DENND2A: variants seen among roughly 807,000 people sequenced by gnomAD.
DENND2A encodes DENN domain-containing protein 2A.
In DENND2A, 53 loss-of-function variants were observed where a neutral mutation model predicts 105.3. The observed-to-expected ratio is 0.50, with a 90% confidence interval of 0.40 to 0.63. DENND2A has a LOEUF of 0.63. DENND2A is among the 30% of genes least tolerant of loss of function. DENND2A has a pLI of 0.00. For missense variants in DENND2A, 1,138 were observed against 1,279.6 expected (o/e 0.89, Z 1.69); for synonymous variants, 522 against 508.4 (o/e 1.03, Z -0.36).
chr7:140,599,689 CAT>C (rs1030683604), intron 3 of DENND2A, among the ~76,000 whole-genome samples: 2 of 151,350 alleles, frequency 1.3e-5, no homozygotes, highest in African/African-American at 4.9e-5. Context: ...TATATATTTA[CAT>C]ATATATATAC....
At chr7:140,540,518 CA>C (rs1443031753) in intron 14 of DENND2A, among the ~76,000 whole-genome samples, 1 of 152,236 alleles carries the variant, frequency 6.6e-6, no homozygotes, top group Non-Finnish European at 1.5e-5. Context: ...GGCTGGGGAA[CA>C]GCCAAGGCCC....
At chr7:140,542,193 A>C (rs1345371335) in intron 14 of DENND2A, among the ~76,000 whole-genome samples, 1 of 152,090 alleles carries the variant, frequency 6.6e-6, no homozygotes, top group Admixed American at 6.6e-5. Flanking sequence ...CCCCAGTTCC[A>C]AAGCAAAGAA....
rs927523614 is a variant in DENND2A, at chr7:140,527,014, G to C, written c.2505+304C>G. ...GGGGAGTGGGCGAGAGGGCAGGGGA[G>C]AGGAGAGGGCTATTAATGACTTAAG... On this transcript the variant is annotated intron_variant, in intron 15 of 19. Coordinates refer to ENST00000496613, the MANE Select transcript of DENND2A (RefSeq NM_015689.5). This position sits in a 1 kb window ranked among gnomAD's most constrained non-coding sequence, Gnocchi z 4.9. Among the ~76,000 whole-genome samples the C allele has an allele frequency of 2.0e-5, 3 of 152,210 alleles. No homozygotes were observed. Among genetic ancestry groups the C allele is most frequent in the African/African-American group, 7.2e-5 (3 of 41,462 alleles).
chr7:140,631,855 G>A (rs950216379), intron 1 of DENND2A, among the ~76,000 whole-genome samples: 2 of 152,136 alleles, frequency 1.3e-5, no homozygotes, highest in African/African-American at 4.8e-5. Context: ...CCCAGAGCAC[G>A]AGGCAAGCTG....
intron 13 of DENND2A, among the ~76,000 whole-genome samples, chr7:140,545,608 C>T (rs1171303275): frequency 6.6e-6 from 1 of 152,316 alleles, no homozygotes; most frequent in African/African-American, 2.4e-5. Flanking sequence ...GCCTCGGCCT[C>T]CCAAAGGGAG....
intron 6 of DENND2A, 56 bp from the exon 7 acceptor site, chr7:140,569,794 C>T: frequency 8.0e-7 from 1 of 1,251,426 alleles, no homozygotes; most frequent in South Asian, 1.2e-5. Context: ...TCTGTGGCAG[C>T]TGGGCTTCCC....
At chr7:140,629,305 C>T (rs1008707276) in intron 1 of DENND2A, among the ~76,000 whole-genome samples, 5 of 152,120 alleles carry the variant, frequency 3.3e-5, no homozygotes, top group African/African-American at 7.2e-5. Flanking sequence ...AGGAGGACAA[C>T]GAAAGGGGAG....
chr7:140,582,113 C>T lies in DENND2A; in HGVS notation c.1245+3476G>A, dbSNP rs570737798. Among the ~76,000 whole-genome samples, 927 of 152,154 alleles carry T rather than the reference C, an allele frequency of 6.1e-3. 6 individuals carry two copies. Among genetic ancestry groups the T allele is most frequent in the African/African-American group, 0.021 (854 of 41,512 alleles). ...CCGAGTAGCTGGGATTACAGGCACC[C>T]GCCACCACACCTGGCTAATTTTTGT... On this transcript the variant is annotated intron_variant, in intron 5 of 19. Coordinates refer to ENST00000496613, the MANE Select transcript of DENND2A (RefSeq NM_015689.5).
chr7:140,555,048 G>A (rs1797300574), intron 12 of DENND2A, among the ~76,000 whole-genome samples: 1 of 151,930 alleles, frequency 6.6e-6, no homozygotes, highest in Non-Finnish European at 1.5e-5. Flanking sequence ...TATTCTGGGA[G>A]GGTCTTCCAC....
In DENND2A at chr7:140,527,546, G is replaced by C. The variant is rs1326008220; in HGVS notation, c.2328-51C>G. 29 of 1,530,592 alleles carry C rather than the reference G, an allele frequency of 1.9e-5. No individual in the cohort carries two copies. The highest frequency in any genetic ancestry group is 2.5e-5 in the Non-Finnish European group (28 of 1,135,400). 94.8% of individuals were successfully genotyped at this position (1,530,592 alleles called of 1,614,324 possible). A position where few individuals can be genotyped will look rare whatever the true frequency, so the allele number is the denominator to read the frequency against. On this transcript the variant is annotated intron_variant, in intron 14 of 19. Coordinates refer to ENST00000496613, the MANE Select transcript of DENND2A (RefSeq NM_015689.5). This position sits in a 1 kb window ranked among gnomAD's most constrained non-coding sequence, Gnocchi z 4.9. Reference sequence around the variant, plus strand: ...AGAGGCCGACTCAGCGAGGGCCCGAGGAAGCCTCCAGGGGAGAAGGCTCCT... The same window carrying C: ...AGAGGCCGACTCAGCGAGGGCCCGACGAAGCCTCCAGGGGAGAAGGCTCCT...
At chr7:140,564,752 C>A (rs1797768376) in intron 9 of DENND2A, among the ~76,000 whole-genome samples, 1 of 152,194 alleles carries the variant, frequency 6.6e-6, no homozygotes, top group South Asian at 2.1e-4. Context: ...TTAACTAACT[C>A]ATGAATTAAT....
At chr7:140,571,929 G>A (rs56711326) in intron 6 of DENND2A, among the ~76,000 whole-genome samples, 4,051 of 152,120 alleles carry the variant, frequency 0.027, 185 homozygotes, top group African/African-American at 0.092. Context: ...GAGTCACTCA[G>A]TAGGCACCAC....
intron 1 of DENND2A, among the ~76,000 whole-genome samples, chr7:140,612,303 T>C (rs930303663): frequency 6.6e-6 from 1 of 150,766 alleles, no homozygotes; most frequent in Non-Finnish European, 1.5e-5. Flanking sequence ...TCAGTGGAAA[T>C]AAATTATGTA....
rs1277158726 is a variant in DENND2A, at chr7:140,559,794, C to T, written c.1803G>A (p.Met601Ile). The change falls in exon 10 of 20, where the codon ATG becomes ATA. Residue 601 changes from methionine (M) to isoleucine (I), a missense_variant. Coordinates refer to ENST00000496613, the MANE Select transcript of DENND2A (RefSeq NM_015689.5). This position sits in a 1 kb window ranked among gnomAD's most constrained non-coding sequence, Gnocchi z 4.1. ...PLKLERSFKFMREAEDQLKAI... is the reference protein window; with the variant it reads ...PLKLERSFKFIREAEDQLKAI... ...CCTTCAGTTGGTCCTCAGCTTCTCTCATGAACTTGAAAGACCTTTCCAACT... is the reference window on the plus strand; with the variant it reads ...CCTTCAGTTGGTCCTCAGCTTCTCTTATGAACTTGAAAGACCTTTCCAACT... 2 of 1,614,088 alleles carry T rather than the reference C, an allele frequency of 1.2e-6. No individual in the cohort carries two copies. The highest frequency in any genetic ancestry group is 3.3e-5 in the Admixed American group (2 of 60,012).
intron 13 of DENND2A, 68 bp from the exon 14 acceptor site, chr7:140,544,834 G>A (rs375674643): frequency 4.4e-5 from 68 of 1,545,348 alleles, no homozygotes; most frequent in South Asian, 1.2e-4. Context: ...CACGGGTGTC[G>A]CAGTCCCAGG....
rs745960831 is a variant in DENND2A at position 140,527,341 on chromosome 7, G to A, written c.2482C>T (p.Leu828Phe). 4.4e-5 allele frequency: 70 copies of A among 1,594,322 alleles called. No homozygotes were observed. The Admixed American group carries it at 1.2e-3, about 28-fold the overall frequency. ...ACCTCTTCCAGCGGCAGCTCCCTGA[G>A]CAGTGGCAGCGAGCTGGAGAGCAGC... ...IGLLSSSLPL[L>F]RELPLEEVLV... The change falls in exon 15 of 20, where the codon CTC (leucine) becomes TTC (phenylalanine). Residue 828 changes from leucine to phenylalanine, a missense_variant. Physicochemically the swap from Leu to Phe is conservative, Grantham distance 22. This residue lies in a region of DENND2A where 627 missense variants were observed against 779.8 expected (regional missense o/e 0.80). Transcript: ENST00000496613. The surrounding 1 kb of genome is among the most constrained non-coding windows in gnomAD (Gnocchi z 4.9).
chr7:140,587,841 A>G, intron 3 of DENND2A, 61 bp from the exon 4 acceptor site: 1 of 1,460,678 alleles, frequency 6.8e-7, no homozygotes, highest in Non-Finnish European at 9.1e-7. Context: ...GCTGTTTCAG[A>G]GAATATATTA....
chr7:140,543,322 T>TG (rs1262969317), intron 14 of DENND2A, among the ~76,000 whole-genome samples: 2 of 147,540 alleles, frequency 1.4e-5, no homozygotes, highest in African/African-American at 5.1e-5. Context: ...TTTGTAGAGA[T>TG]GGGGGTCTTA....
chr7:140,633,751 C>T (rs1386339983), intron 1 of DENND2A, among the ~76,000 whole-genome samples: 5 of 152,150 alleles, frequency 3.3e-5, no homozygotes, highest in Admixed American at 2.0e-4. Flanking sequence ...CAGCAAGAGA[C>T]GAACTTGGGA....
Sources: gnomAD v4.1 joint callset for allele counts (sites outside exome capture counted in the v4.1 genomes callset) on GRCh38, gnomAD v4.1.1 for gene constraint, gnomAD v4.1.1 regional missense constraint, Gnocchi (gnomAD v3.1) non-coding constraint, MANE v1.5 for transcripts, NCBI Gene and HGNC (gene_info 2026-07-23, HGNC 2026-07-21) for gene names.